The following PPP1R3E variants were observed in gnomAD, a reference collection of about 807,000 sequenced individuals.
PPP1R3E encodes the protein protein phosphatase 1, regulatory (inhibitor) subunit 3E.
In PPP1R3E, 20 loss-of-function variants were observed where a neutral mutation model predicts 18.5. The observed-to-expected ratio is 1.08, with a 90% CI of 0.76 to 1.58. The LOEUF (loss-of-function observed/expected upper bound fraction) is 1.58. Ranked by LOEUF, PPP1R3E falls within the 40% of genes most tolerant of loss-of-function variation. The probability of loss-of-function intolerance (pLI) is 0.00; values close to 1 mark genes in which losing one functional copy is unlikely to be tolerated. For synonymous variants in PPP1R3E, 208 were observed against 208.1 expected (o/e 1.00, Z 0.00); for missense variants, 498 against 460.2 (o/e 1.08, Z -0.75).
At chr14:23,301,994 C>T in intron 1 of PPP1R3E, 136 bp from the exon 2 acceptor site, 1 of 1,250,034 alleles carries the variant, frequency 8.0e-7, no homozygotes, top group South Asian at 1.8e-5. Flanking sequence ...GGCCCAGCTG[C>T]CAGGGTGGCC....
rs1326646019 is a variant in PPP1R3E at position 23,296,856 on chromosome 14, C to T, written c.*2448G>A. On this transcript the variant is annotated 3_prime_UTR_variant, in exon 5 of 5. Coordinates refer to ENST00000452015, the MANE Select transcript of PPP1R3E (RefSeq NM_001276318.2). The stretch of plus-strand genomic sequence containing the variant: ...TCTATGACCTGCAAACTGCAAAGAT[C>T]CCAGCAGGCTCCAGAAAAACACGGC... 1 of 152,222 alleles carries T rather than the reference C, an allele frequency of 6.6e-6. No homozygotes were observed. Among genetic ancestry groups the T allele is most frequent in the East Asian group, 1.9e-4 (1 of 5,198 alleles). 9.4% of individuals were successfully genotyped at this position (152,222 alleles called of 1,614,324 possible).
rs372336324 is a variant in PPP1R3E, at chr14:23,299,835, G to A, written c.*246-294C>T. 2.6e-5 allele frequency among the ~76,000 whole-genome samples: 4 copies of A among 151,456 alleles called. No individual in the cohort carries two copies. The East Asian group carries it at 5.8e-4, about 22-fold the overall frequency. ...GAATGTGAGTGGGTATGAGAGTCCA[G>A]CTTTCCCACTGCACTTGCTCTGGTT... On this transcript the variant is annotated intron_variant, in intron 3 of 4. Transcript: ENST00000452015.
rs1223298408 is a variant in PPP1R3E, at chr14:23,298,352, C to T, written c.*952G>A. The T allele has an allele frequency of 3.3e-5, 5 of 152,332 alleles. No homozygotes were observed. The highest frequency in any genetic ancestry group is 7.3e-5 in the Non-Finnish European group (5 of 68,186). 9.4% of individuals were successfully genotyped at this position (152,332 alleles called of 1,614,324 possible). A position where few individuals can be genotyped will look rare whatever the true frequency, so the allele number is the denominator to read the frequency against. On this transcript the variant is annotated 3_prime_UTR_variant, in exon 5 of 5. Transcript: ENST00000452015. ...GAAAAAAAATATAACATCATGGTTA[C>T]ACAGAGGCTCTGGAGATTCCCTGGG...
Position 23,297,074 on chromosome 14 carries a change from C to G in PPP1R3E, c.*2230G>C, listed in dbSNP as rs1886898729. On this transcript the variant is annotated 3_prime_UTR_variant, in exon 5 of 5. Coordinates refer to ENST00000452015, the MANE Select transcript of PPP1R3E (RefSeq NM_001276318.2). ...GGCAACAGTGTCCCTGCTGGGTTGC[C>G]TCAGGGACCCAAGCCTATGACCCAG... is the stretch of plus-strand genomic sequence containing the variant. 6.6e-6 allele frequency: 1 copy of G among 152,220 alleles called. No homozygotes were observed. The highest frequency in any genetic ancestry group is 2.1e-4 in the South Asian group (1 of 4,828). 9.4% of individuals were successfully genotyped at this position (152,220 alleles called of 1,614,324 possible).
In PPP1R3E at chr14:23,302,703, A is replaced by G. The variant is rs998285015; in HGVS notation, c.-127T>C. ...CTTCTGCAGCCCCTCGCTGCTGTGTATTCTCCTTGCAGACACCTCCAGGAT... is the reference window on the plus strand; with the variant it reads ...CTTCTGCAGCCCCTCGCTGCTGTGTGTTCTCCTTGCAGACACCTCCAGGAT... On this transcript the variant is annotated 5_prime_UTR_variant, in exon 1 of 5. Transcript: ENST00000452015. 4.0e-6 allele frequency: 4 copies of G among 1,010,174 alleles called. No individual in the cohort carries two copies. Among genetic ancestry groups the G allele is most frequent in the African/African-American group, 3.4e-5 (2 of 58,128 alleles). 62.6% of individuals were successfully genotyped at this position (1,010,174 alleles called of 1,614,324 possible).
chr14:23,299,931 T>TTGTC (rs1555325097), intron 3 of PPP1R3E, among the ~76,000 whole-genome samples: 1 of 107,780 alleles, frequency 9.3e-6, no homozygotes, highest in South Asian at 2.9e-4. Flanking sequence ...GTTTTTGTTT[T>TTGTC]TTTTTTTTTT....
chr14:23,301,913 CA>C, intron 1 of PPP1R3E, 55 bp from the exon 2 acceptor site: 1 of 1,391,000 alleles, frequency 7.2e-7, no homozygotes, highest in South Asian at 1.6e-5. Flanking sequence ...AGGGGAGAGA[CA>C]GGGGGCGGTG....
intron 2 of PPP1R3E, 127 bp downstream of exon 2, chr14:23,301,171 T>A: frequency 2.6e-6 from 1 of 378,724 alleles, no homozygotes; most frequent in Non-Finnish European, 4.7e-6. Flanking sequence ...TCCTTCCTCC[T>A]ATATTCTGAG....
In PPP1R3E at chr14:23,302,655, C is replaced by T; in HGVS notation, c.-79G>A. The T allele has an allele frequency of 7.4e-7, 1 of 1,356,874 alleles. No individual in the cohort carries two copies. Among genetic ancestry groups the T allele is most frequent in the Non-Finnish European group, 9.5e-7 (1 of 1,053,272 alleles). 84.1% of individuals were successfully genotyped at this position (1,356,874 alleles called of 1,614,324 possible). On this transcript the variant is annotated 5_prime_UTR_variant, in exon 1 of 5. Coordinates refer to ENST00000452015, the MANE Select transcript of PPP1R3E (RefSeq NM_001276318.2). ...TTCCTCTCTCCCGCCCGCCCCGCGT[C>T]AGCGCAGAAGTCGCTGGGTCCGCTT...
At chr14:23,301,914 A>G in intron 1 of PPP1R3E, 56 bp from the exon 2 acceptor site, 1 of 1,389,990 alleles carries the variant, frequency 7.2e-7, no homozygotes, top group Non-Finnish European at 9.3e-7. Flanking sequence ...GGGGAGAGAC[A>G]GGGGGCGGTG....
At position 23,302,396 on chromosome 14, in the gene PPP1R3E, C is replaced by G. The variant is rs1052993963; in HGVS notation, c.181G>C (p.Gly61Arg). 4.9e-5 allele frequency: 73 copies of G among 1,488,104 alleles called. No individual in the cohort carries two copies. Among genetic ancestry groups the G allele is most frequent in the Middle Eastern group, 4.2e-4 (2 of 4,766 alleles). The allele number at this position is 1,488,104 out of a possible 1,614,324, so 92.2% of individuals were successfully genotyped here. ...ARSRAHAPSR[G>R]RRARSAPAGG... is the part of the protein sequence containing the mutation. ...GCTGGTGCAGATCGGGCCCGGCGGC[C>G]CCGACTCGGTGCGTGAGCGCGGGAT... Residue 61 changes from glycine (G) to arginine (R), a missense_variant, in exon 1 of 5, where the codon GGC becomes CGC. Transcript: ENST00000452015.
At chr14:23,300,648 A>C (rs1209996185) in intron 3 of PPP1R3E, 110 bp downstream of exon 3, 1 of 152,242 alleles carries the variant, frequency 6.6e-6, no homozygotes. Context: ...GAAGCCCCTG[A>C]GTGTACAACC....
At chr14:23,301,901 A>G in intron 1 of PPP1R3E, 43 bp from the exon 2 acceptor site, 1 of 1,401,930 alleles carries the variant, frequency 7.1e-7, no homozygotes, top group Admixed American at 3.3e-5. Flanking sequence ...CAGGGCGGAG[A>G]GAGGGGAGAG....
In PPP1R3E at chr14:23,301,250, T is replaced by TCCCC; in HGVS notation, c.*138+44_*138+47dup. ...CCGGAGCTTCTTTGGTTCCGCTCAC[T>TCCCC]CCCCCCGCCCCCACGCCCCCACGCC... On this transcript the variant is annotated intron_variant, in intron 2 of 4. Coordinates refer to ENST00000452015, the MANE Select transcript of PPP1R3E (RefSeq NM_001276318.2). The TCCCC allele has an allele frequency of 1.3e-5, 2 of 153,188 alleles. 1 individual carries two copies. Among genetic ancestry groups the TCCCC allele is most frequent in the South Asian group, 4.6e-4 (2 of 4,364 alleles). The allele number at this position is 153,188 out of a possible 1,614,324, so 9.5% of individuals were successfully genotyped here. A position where few individuals can be genotyped will look rare whatever the true frequency, so the allele number is the denominator to read the frequency against.
chr14:23,301,133 T>A (rs1436502085), intron 2 of PPP1R3E, 165 bp downstream of exon 2: 6 of 316,286 alleles, frequency 1.9e-5, no homozygotes, highest in African/African-American at 1.1e-4. Flanking sequence ...TTCCTTTTTT[T>A]ATAATCCCTC....
In PPP1R3E at chr14:23,302,705, TCTC is replaced by T. The variant is rs1029414410; in HGVS notation, c.-132_-130del. 4.7e-5 allele frequency: 47 copies of T among 994,080 alleles called. No individual in the cohort carries two copies. The highest frequency in any genetic ancestry group is 2.9e-4 in the African/African-American group (17 of 57,854). The allele number at this position is 994,080 out of a possible 1,614,324, so 61.6% of individuals were successfully genotyped here. A position where few individuals can be genotyped will look rare whatever the true frequency, so the allele number is the denominator to read the frequency against. On this transcript the variant is annotated 5_prime_UTR_variant, in exon 1 of 5. Transcript: ENST00000452015. ...TCTGCAGCCCCTCGCTGCTGTGTATTCTCCTTGCAGACACCTCCAGGATCCTCC... is the reference window on the plus strand; with the variant it reads ...TCTGCAGCCCCTCGCTGCTGTGTATTCTTGCAGACACCTCCAGGATCCTCC...
rs1886865956 is a variant in PPP1R3E at position 23,295,888 on chromosome 14, CACAAT to C, written c.*3411_*3415del. 1 of 152,940 alleles carries C rather than the reference CACAAT, an allele frequency of 6.5e-6. No individual in the cohort carries two copies. The highest frequency in any genetic ancestry group is 2.4e-5 in the African/African-American group (1 of 41,456). 9.5% of individuals were successfully genotyped at this position (152,940 alleles called of 1,614,324 possible). On this transcript the variant is annotated 3_prime_UTR_variant, in exon 5 of 5. Coordinates refer to ENST00000452015, the MANE Select transcript of PPP1R3E (RefSeq NM_001276318.2). Reference sequence around the variant, plus strand: ...CTCTTGCTGCCCTTAGCCCAAAACACACAATACTTCTGAATATCTTATGACATACT... The same window carrying C: ...CTCTTGCTGCCCTTAGCCCAAAACACACTTCTGAATATCTTATGACATACT...
intron 3 of PPP1R3E, 73 bp from the exon 4 acceptor site, chr14:23,299,614 T>TAAATACCCTATATGTTAAAAGAAAA (rs1223976217): frequency 6.8e-6 from 1 of 147,686 alleles, no homozygotes; most frequent in African/African-American, 2.5e-5. Context: ...AAAATGAAGG[T>TAAATACCCTATATGTTAAAAGAAAA]AAATACCCTA....
intron 1 of PPP1R3E, 40 bp from the exon 2 acceptor site, chr14:23,301,898 G>T: frequency 7.1e-7 from 1 of 1,403,712 alleles, no homozygotes; most frequent in South Asian, 1.5e-5. Context: ...GCCCAGGGCG[G>T]AGAGAGGGGA....
Sources: allele counts gnomAD v4.1 joint callset (sites outside exome capture counted in the v4.1 genomes callset), GRCh38; gene constraint gnomAD v4.1.1; transcripts MANE v1.5; gene names NCBI Gene and HGNC (gene_info 2026-07-23, HGNC 2026-07-21).